COL25A1: variants seen among roughly 807,000 people sequenced by gnomAD.
COL25A1 encodes the protein collagen type XXV alpha 1 chain, also known as collagen alpha-1(XXV) chain.
A neutral mutation model predicts 128.4 loss-of-function variants in COL25A1; 103 were observed. That is an observed-to-expected ratio of 0.80 (90% CI 0.68 to 0.94). The LOEUF (loss-of-function observed/expected upper bound fraction) is 0.94. COL25A1 is among the 40% of genes least tolerant of loss of function. The probability of loss-of-function intolerance (pLI) is 0.00; values close to 1 mark genes in which losing one functional copy is unlikely to be tolerated. For synonymous variants in COL25A1, 279 were observed against 277.2 expected, an observed-to-expected ratio of 1.01 and a Z score of -0.06; for missense variants, 745 against 840.0, an observed-to-expected ratio of 0.89 and a Z score of 1.40.
chr4:109,234,605 T>A (rs1312573706), intron 3 of COL25A1, among the ~76,000 whole-genome samples: 2 of 152,014 alleles, frequency 1.3e-5, no homozygotes, highest in African/African-American at 4.8e-5. Context: ...TGCCTCAGTA[T>A]AAAGCCACCA....
intron 8 of COL25A1, among the ~76,000 whole-genome samples, chr4:108,967,708 G>A (rs529042965): frequency 6.6e-6 from 1 of 152,272 alleles, no homozygotes; most frequent in Admixed American, 6.5e-5. Context: ...GATGATGTAT[G>A]CAACTTACCT....
intron 5 of COL25A1, among the ~76,000 whole-genome samples, chr4:109,028,742 A>AAAAAG (rs891453915): frequency 3.3e-5 from 5 of 152,210 alleles, no homozygotes; most frequent in Non-Finnish European, 5.9e-5. Flanking sequence ...AGAAAAAAAG[A>AAAAAG]AAAAGAAAAG....
rs535213954 is a variant in COL25A1 at position 108,812,571 on chromosome 4, A to C, written c.*1356T>G. On this transcript the variant is annotated 3_prime_UTR_variant, in exon 38 of 38. Transcript: ENST00000399132. ...AGGTCATTTTGACTACTGGAGCCAAATTATTATGATTTGAAGACTTCTTAA... is the reference window on the plus strand; with the variant it reads ...AGGTCATTTTGACTACTGGAGCCAACTTATTATGATTTGAAGACTTCTTAA... 2.0e-5 allele frequency: 3 copies of C among 152,196 alleles called. No homozygotes were observed. The highest frequency in any genetic ancestry group is 4.4e-5 in the Non-Finnish European group (3 of 68,032). 9.4% of individuals were successfully genotyped at this position (152,196 alleles called of 1,614,324 possible).
intron 37 of COL25A1, among the ~76,000 whole-genome samples, chr4:108,815,638 A>G (rs1731182364): frequency 6.6e-6 from 1 of 152,100 alleles, no homozygotes; most frequent in Admixed American, 6.6e-5. Context: ...ATTCTGTGGA[A>G]AAAGGAGTAT....
At position 108,811,664 on chromosome 4, in the gene COL25A1, C is replaced by T. The variant is rs980062285; in HGVS notation, c.*2263G>A. The T allele has an allele frequency of 4.6e-5, 7 of 152,042 alleles. No homozygotes were observed. Among genetic ancestry groups the T allele is most frequent in the Admixed American group, 2.0e-4 (3 of 15,248 alleles). The allele number at this position is 152,042 out of a possible 1,614,324, so 9.4% of individuals were successfully genotyped here. ...ACCATTTAAGACAAATTGTGTCAGACATTGAGCAATACGTTATCCTAACAC... is the reference window on the plus strand; with the variant it reads ...ACCATTTAAGACAAATTGTGTCAGATATTGAGCAATACGTTATCCTAACAC... On this transcript the variant is annotated 3_prime_UTR_variant, in exon 38 of 38. Transcript: ENST00000399132.
intron 8 of COL25A1, among the ~76,000 whole-genome samples, chr4:108,948,838 A>G (rs996306833): frequency 6.6e-6 from 1 of 152,230 alleles, no homozygotes; most frequent in Non-Finnish European, 1.5e-5. Context: ...ACAGCCTGCA[A>G]AAGATCTATG....
Position 108,974,367 on chromosome 4 carries a change from C to T in COL25A1, c.492G>A (p.Arg164=). The T allele has an allele frequency of 1.2e-6, 2 of 1,613,720 alleles. No homozygotes were observed. The highest frequency in any genetic ancestry group is 2.2e-5 in the East Asian group (1 of 44,850). ...DKGEQGDQGP[R]MVFPKINHGF... is the part of the protein sequence containing the mutation. ...CCAAGATAGGTAGAGCACAACTTACCCTAGGTCCCTGATCACCTTGTTCTC... is the reference window on the plus strand; with the variant it reads ...CCAAGATAGGTAGAGCACAACTTACTCTAGGTCCCTGATCACCTTGTTCTC... The change falls in exon 8 of 38, where the codon AGG becomes AGA. Residue 164 remains arginine, a splice_region_variant and synonymous_variant. Coordinates refer to ENST00000399132, the MANE Select transcript of COL25A1 (RefSeq NM_198721.4).
At chr4:108,900,413 T>C (rs1233101794) in intron 14 of COL25A1, among the ~76,000 whole-genome samples, 1 of 152,192 alleles carries the variant, frequency 6.6e-6, no homozygotes, top group Non-Finnish European at 1.5e-5. Flanking sequence ...CATCTGTGGG[T>C]ACGAATACAC....
intron 5 of COL25A1, among the ~76,000 whole-genome samples, chr4:109,012,895 G>C (rs1335006816): frequency 6.6e-6 from 1 of 152,256 alleles, no homozygotes; most frequent in Non-Finnish European, 1.5e-5. Context: ...TCCGCCAGCA[G>C]CCCTGGTGCG....
chr4:108,962,134 G>A (rs1459656759), intron 8 of COL25A1, among the ~76,000 whole-genome samples: 3 of 151,832 alleles, frequency 2.0e-5, no homozygotes, highest in African/African-American at 7.3e-5. Flanking sequence ...CTCTGCCATG[G>A]CAATTTCTCT....
At position 109,102,782 on chromosome 4, in the gene COL25A1, T is replaced by C. The variant is rs372587591; in HGVS notation, c.368-52603A>G. On this transcript the variant is annotated intron_variant, in intron 3 of 37. Coordinates refer to ENST00000399132, the MANE Select transcript of COL25A1 (RefSeq NM_198721.4). ...TGTACCTTTCATAATCTTTCTTTTA[T>C]AAAATCTATTTTGATTTTAATATAG... Among the ~76,000 whole-genome samples, 6 of 152,218 alleles carry C rather than the reference T, an allele frequency of 3.9e-5. No individual in the cohort carries two copies. In the East Asian group the frequency reaches 9.6e-4, roughly 24 times the overall value.
At chr4:108,971,729 T>A (rs1212268746) in intron 8 of COL25A1, among the ~76,000 whole-genome samples, 1 of 152,212 alleles carries the variant, frequency 6.6e-6, no homozygotes, top group Non-Finnish European at 1.5e-5. Context: ...TAATTTACAA[T>A]GTCAAGTGAT....
At chr4:108,875,846 A>C (rs1046390531) in intron 19 of COL25A1, among the ~76,000 whole-genome samples, 13 of 152,232 alleles carry the variant, frequency 8.5e-5, no homozygotes, top group African/African-American at 3.1e-4. Context: ...GATTAAGAAA[A>C]TGTGGCACAT....
chr4:108,920,686 A>G (rs572884851), intron 11 of COL25A1, 82 bp from the exon 12 acceptor site: 10 of 969,826 alleles, frequency 1.0e-5, no homozygotes, highest in Middle Eastern at 2.2e-4. Flanking sequence ...CCTATTCTCT[A>G]AGATTCTCTT....
At chr4:108,924,348 A>G (rs1322911250) in intron 11 of COL25A1, among the ~76,000 whole-genome samples, 1 of 152,202 alleles carries the variant, frequency 6.6e-6, no homozygotes, top group African/African-American at 2.4e-5. Flanking sequence ...ATTATATAGT[A>G]TACTTGATAT....
At chr4:109,138,691 T>C (rs1323215598) in intron 3 of COL25A1, among the ~76,000 whole-genome samples, 1 of 148,564 alleles carries the variant, frequency 6.7e-6, no homozygotes, top group Non-Finnish European at 1.5e-5. Flanking sequence ...TTTGTTTTTG[T>C]TTTTGTTTTT....
chr4:108,993,205 C>T (rs1579012805), intron 6 of COL25A1, among the ~76,000 whole-genome samples: 1 of 152,188 alleles, frequency 6.6e-6, no homozygotes, highest in African/African-American at 2.4e-5. Context: ...CTGCCATCTG[C>T]TGATAACTGC....
At position 108,869,084 on chromosome 4, in the gene COL25A1, T is replaced by C; in HGVS notation, c.1083+4A>G. 1 of 1,542,822 alleles carries C rather than the reference T, an allele frequency of 6.5e-7. No homozygotes were observed. Among genetic ancestry groups the C allele is most frequent in the South Asian group, 1.2e-5 (1 of 84,486 alleles). On this transcript the variant is annotated splice_donor_region_variant and intron_variant, in intron 20 of 37. Transcript: ENST00000399132. ...GAAAGAAGGAAAGAAAGAGGCCCAC[T>C]TACTTTTGTTCCTGGTAAACCTGGT...
intron 17 of COL25A1, among the ~76,000 whole-genome samples, chr4:108,889,479 A>T (rs1425733776): frequency 6.7e-6 from 1 of 148,568 alleles, no homozygotes; most frequent in East Asian, 2.0e-4. Context: ...TCACATTTCC[A>T]TAAAAACCAA....
Sources: allele counts gnomAD v4.1 joint callset (sites outside exome capture counted in the v4.1 genomes callset), GRCh38; gene constraint gnomAD v4.1.1; transcripts MANE v1.5; gene names NCBI Gene and HGNC (gene_info 2026-07-23, HGNC 2026-07-21).